Variants in MTMR7 observed in about 807,000 individuals in gnomAD.
MTMR7 encodes the protein myotubularin related protein 7.
In MTMR7, 76 loss-of-function variants were observed where a neutral mutation model predicts 81.2. That is an observed-to-expected ratio of 0.94 (90% CI 0.78 to 1.13). The LOEUF (loss-of-function observed/expected upper bound fraction) is 1.13, where lower values mean the gene tolerates loss of function less well. Ranked by LOEUF, MTMR7 falls within the 50% of genes most tolerant of loss-of-function variation. The probability of loss-of-function intolerance (pLI) is 0.00; values close to 1 mark genes in which losing one functional copy is unlikely to be tolerated. For missense variants in MTMR7, 1,044 were observed against 820.0 expected (o/e 1.27, Z -3.34); for synonymous variants, 372 against 289.8 (o/e 1.28, Z -2.88).
chr8:17,401,689 A>G (rs1325764228), intron 1 of MTMR7, among the ~76,000 whole-genome samples: 2 of 152,150 alleles, frequency 1.3e-5, no homozygotes, highest in East Asian at 3.9e-4. Flanking sequence ...TGGCATAGAT[A>G]TGGAAGGAGA....
intron 1 of MTMR7, among the ~76,000 whole-genome samples, chr8:17,412,406 C>A (rs1035969745): frequency 6.6e-6 from 1 of 152,168 alleles, no homozygotes; most frequent in Admixed American, 6.5e-5. Flanking sequence ...GTGGTAGTAA[C>A]AACAGACAGC....
intron 9 of MTMR7, among the ~76,000 whole-genome samples, chr8:17,310,377 T>C (rs975196081): frequency 2.6e-5 from 4 of 152,140 alleles, no homozygotes; most frequent in African/African-American, 9.7e-5. Flanking sequence ...TGGCCAGAGA[T>C]TTCCCCTTAC....
At chr8:17,364,687 C>G (rs1461230740) in intron 3 of MTMR7, among the ~76,000 whole-genome samples, 1 of 152,166 alleles carries the variant, frequency 6.6e-6, no homozygotes, top group Non-Finnish European at 1.5e-5. Flanking sequence ...TTATGTTTGG[C>G]TTTTTTCACT....
intron 8 of MTMR7, among the ~76,000 whole-genome samples, 165 bp downstream of exon 8, chr8:17,313,127 G>A (rs937991411): frequency 2.6e-5 from 4 of 152,132 alleles, no homozygotes; most frequent in African/African-American, 9.7e-5. Context: ...GTATTCTTTC[G>A]CAAAATCATA....
At chr8:17,313,771 G>A (rs997710903) in intron 7 of MTMR7, among the ~76,000 whole-genome samples, 10 of 152,124 alleles carry the variant, frequency 6.6e-5, no homozygotes, top group African/African-American at 2.4e-4. Flanking sequence ...GTGCTATGAG[G>A]AAAAAAATCA....
At chr8:17,409,023 A>G (rs947904757) in intron 1 of MTMR7, among the ~76,000 whole-genome samples, 1 of 152,222 alleles carries the variant, frequency 6.6e-6, no homozygotes, top group Non-Finnish European at 1.5e-5. Context: ...TGTTTCATAT[A>G]TATCTCACAT....
At chr8:17,338,794 G>A (rs1412962460) in intron 6 of MTMR7, 1 of 151,872 alleles carries the variant, frequency 6.6e-6, no homozygotes, top group Non-Finnish European at 1.5e-5. Context: ...AAAAGGAAGG[G>A]ACCCTTTACT....
At position 17,408,395 on chromosome 8, in the gene MTMR7, C is replaced by CAAAAAAAAAAAAAAAAAAAAA. The variant is rs530240881; in HGVS notation, c.24+4853_24+4873dup. Among the ~76,000 whole-genome samples the CAAAAAAAAAAAAAAAAAAAAA allele has an allele frequency of 6.0e-4, 14 of 23,508 alleles. 1 individual carries two copies. Among genetic ancestry groups the CAAAAAAAAAAAAAAAAAAAAA allele is most frequent in the African/African-American group, 1.2e-3 (13 of 10,656 alleles). The allele number at this position is 23,508 out of a possible 152,430, so 15.4% of individuals were successfully genotyped here. A position where few individuals can be genotyped will look rare whatever the true frequency, so the allele number is the denominator to read the frequency against. On this transcript the variant is annotated intron_variant, in intron 1 of 13. Coordinates refer to ENST00000180173, the MANE Select transcript of MTMR7 (RefSeq NM_004686.5). ...TGGGCGACAGAGCGAGACTCCGTCT[C>CAAAAAAAAAAAAAAAAAAAAA]AAAAAAAAAAAAAAAAAAAAAAAGA...
intron 12 of MTMR7, among the ~76,000 whole-genome samples, chr8:17,303,776 A>C (rs1817278997): frequency 6.6e-6 from 1 of 152,024 alleles, no homozygotes; most frequent in South Asian, 2.1e-4. Context: ...TGCCCAGCTA[A>C]TTTTTGTATT....
chr8:17,346,255 T>C (rs147538277), intron 5 of MTMR7: 2 of 152,218 alleles, frequency 1.3e-5, no homozygotes, highest in East Asian at 1.9e-4. Context: ...ACCTGCAAAA[T>C]AGATTTCAGT....
chr8:17,389,989 T>A (rs1563375059), intron 1 of MTMR7, among the ~76,000 whole-genome samples: 3 of 151,172 alleles, frequency 2.0e-5, no homozygotes, highest in East Asian at 2.0e-4. Context: ...TGGGGGCACA[T>A]GAATTGGGAA....
chr8:17,354,821 G>C (rs918396303), intron 4 of MTMR7, among the ~76,000 whole-genome samples: 1 of 152,160 alleles, frequency 6.6e-6, no homozygotes, highest in Admixed American at 6.5e-5. Flanking sequence ...TCTGAAATAA[G>C]ACAACTTGTG....
intron 12 of MTMR7, 106 bp downstream of exon 12, chr8:17,304,273 A>G: frequency 1.5e-6 from 2 of 1,294,340 alleles, no homozygotes; most frequent in Admixed American, 2.1e-5. Flanking sequence ...TTTGTGTCCA[A>G]TAAAAGCCTC....
chr8:17,356,697 G>C (rs1819899301), intron 4 of MTMR7, among the ~76,000 whole-genome samples: 1 of 144,550 alleles, frequency 6.9e-6, no homozygotes, highest in Non-Finnish European at 1.5e-5. Flanking sequence ...TTGGGCAACA[G>C]AGTGAGGCCC....
At chr8:17,406,818 C>G (rs1213062419) in intron 1 of MTMR7, among the ~76,000 whole-genome samples, 1 of 152,124 alleles carries the variant, frequency 6.6e-6, no homozygotes, top group Non-Finnish European at 1.5e-5. Context: ...CATGCTACAA[C>G]TTAGACAAAC....
At chr8:17,322,086 T>C (rs1030185782) in intron 7 of MTMR7, among the ~76,000 whole-genome samples, 1 of 151,912 alleles carries the variant, frequency 6.6e-6, no homozygotes, top group South Asian at 2.1e-4. Flanking sequence ...AGTTGAAACA[T>C]ATACAGCCCT....
intron 10 of MTMR7, 125 bp downstream of exon 10, chr8:17,309,152 T>G: frequency 1.5e-6 from 1 of 666,728 alleles, no homozygotes. Flanking sequence ...CAACAAAATT[T>G]AAGCTTTCTG....
intron 10 of MTMR7, among the ~76,000 whole-genome samples, chr8:17,308,693 G>A (rs1817623640): frequency 6.6e-6 from 1 of 152,158 alleles, no homozygotes; most frequent in Admixed American, 6.5e-5. Flanking sequence ...AAGGAGGCTG[G>A]TGACTCCCAA....
chr8:17,396,828 G>A (rs1821267384), intron 1 of MTMR7, among the ~76,000 whole-genome samples: 1 of 151,752 alleles, frequency 6.6e-6, no homozygotes, highest in Non-Finnish European at 1.5e-5. Context: ...TCTGCTTGAG[G>A]AGAGGAGAGC....
Sources: gnomAD v4.1 joint callset for allele counts (sites outside exome capture counted in the v4.1 genomes callset) on GRCh38, gnomAD v4.1.1 for gene constraint, MANE v1.5 for transcripts, NCBI Gene and HGNC (gene_info 2026-07-23, HGNC 2026-07-21) for gene names.